The following MRM1 variants were observed in gnomAD, a reference collection of about 807,000 sequenced individuals.
MRM1 encodes rRNA methyltransferase 1, mitochondrial.
In MRM1, 24 loss-of-function variants were observed where a neutral mutation model predicts 25.0. The ratio of observed to expected loss-of-function variants is 0.96; its 90% confidence interval spans 0.69 to 1.35. MRM1 has a LOEUF of 1.35. Among genes scored for constraint, MRM1 ranks in the 40% most tolerant of loss-of-function variants. MRM1 has a pLI of 0.00. For synonymous variants in MRM1, 188 were observed against 199.2 expected, an observed-to-expected ratio of 0.94 and a Z score of 0.47; for missense variants, 431 against 464.1, an observed-to-expected ratio of 0.93 and a Z score of 0.65.
the MRM1 span, among the ~76,000 whole-genome samples, chr17:36,632,185 G>A: frequency 6.6e-6 from 1 of 152,048 alleles, no homozygotes; most frequent in Admixed American, 6.6e-5. Flanking sequence ...CTGGCTCCTG[G>A]TACCTGCTTA....
At chr17:36,631,368 A>C in the MRM1 span, among the ~76,000 whole-genome samples, 1 of 152,240 alleles carries the variant, frequency 6.6e-6, no homozygotes, top group African/African-American at 2.4e-5. Context: ...TTTGGGGTAC[A>C]CATGTGTGCA....
At chr17:36,627,747 TCA>T in the MRM1 span, among the ~76,000 whole-genome samples, 4 of 143,716 alleles carry the variant, frequency 2.8e-5, no homozygotes, top group Non-Finnish European at 6.0e-5. Flanking sequence ...CAATCTTGGC[TCA>T]CACAACCTGC....
rs759873947 is a variant in MRM1 at position 36,607,814 on chromosome 17, TCCCTGCGTTTGTG to T, written c.769+16_769+28del. 1 of 1,613,682 alleles carries T rather than the reference TCCCTGCGTTTGTG, an allele frequency of 6.2e-7. No individual in the cohort carries two copies. The highest frequency in any genetic ancestry group is 1.3e-5 in the African/African-American group (1 of 75,010). ...TCTCCTTGTGCTGGGTAGGTGGATG[TCCCTGCGTTTGTG>T]CCCAGATTACATTTCCCGAGCAACT... is the stretch of plus-strand genomic sequence containing the variant. On this transcript the variant is annotated intron_variant, in intron 3 of 4. Coordinates refer to ENST00000614766, the MANE Select transcript of MRM1 (RefSeq NM_024864.5).
chr17:36,602,529 G>C lies in MRM1; in HGVS notation c.543-24G>C. On this transcript the variant is annotated intron_variant, in intron 1 of 4. Coordinates refer to ENST00000614766, the MANE Select transcript of MRM1 (RefSeq NM_024864.5). The surrounding 1 kb of genome is among the most constrained non-coding windows in gnomAD (Gnocchi z 4.1). ...CGGGCTTGAGATGGCCCAGCCTAAT[G>C]CGGGGAACGGGGAAACCTTGCAGCT... 1.9e-6 allele frequency: 3 copies of C among 1,614,148 alleles called. No individual in the cohort carries two copies. The highest frequency in any genetic ancestry group is 2.5e-6 in the Non-Finnish European group (3 of 1,180,004).
At chr17:36,611,220 C>A (rs1259790067), downstream of MRM1, among the ~76,000 whole-genome samples, 1 of 152,206 alleles carries the variant, frequency 6.6e-6, no homozygotes, top group Non-Finnish European at 1.5e-5. Flanking sequence ...CCATGCACAC[C>A]TGTGCTTTTG....
chr17:36,605,033 G>A (rs1175300460), intron 2 of MRM1, among the ~76,000 whole-genome samples: 1 of 152,012 alleles, frequency 6.6e-6, no homozygotes, highest in East Asian at 1.9e-4. Context: ...CCAGCTGCTC[G>A]GGAGGCTGAG....
the MRM1 span, among the ~76,000 whole-genome samples, chr17:36,628,574 C>T: frequency 7.2e-5 from 11 of 152,140 alleles, no homozygotes; most frequent in African/African-American, 2.2e-4. Context: ...GCCAGTGCTC[C>T]GAGACCAAGA....
At chr17:36,630,712 G>A in the MRM1 span, among the ~76,000 whole-genome samples, 2 of 152,168 alleles carry the variant, frequency 1.3e-5, no homozygotes, top group African/African-American at 2.4e-5. Context: ...CTCGACTCCT[G>A]GGGGAGAGGT....
chr17:36,625,076 C>T, the MRM1 span, among the ~76,000 whole-genome samples: 2 of 152,310 alleles, frequency 1.3e-5, no homozygotes, highest in Non-Finnish European at 2.9e-5. Context: ...TTTGTAAAGT[C>T]TCCAGCGAGG....
At chr17:36,626,719 G>T in the MRM1 span, among the ~76,000 whole-genome samples, 1 of 152,194 alleles carries the variant, frequency 6.6e-6, no homozygotes, top group Non-Finnish European at 1.5e-5. Flanking sequence ...GTCTTTCAGA[G>T]ACTGGAAAGT....
At chr17:36,616,808 G>A in the MRM1 span, among the ~76,000 whole-genome samples, 6 of 152,146 alleles carry the variant, frequency 3.9e-5, no homozygotes, top group African/African-American at 1.2e-4. Context: ...ATAGCTCACT[G>A]CAGCCTCCAA....
At chr17:36,612,952 C>T (rs72818402), downstream of MRM1, among the ~76,000 whole-genome samples, 4,072 of 152,222 alleles carry the variant, frequency 0.027, 82 homozygotes, top group South Asian at 0.066. Flanking sequence ...CCCCTTTCAT[C>T]TGCAGTGCAC....
At chr17:36,607,184 G>A (rs2142840289) in intron 2 of MRM1, among the ~76,000 whole-genome samples, 1 of 152,030 alleles carries the variant, frequency 6.6e-6, no homozygotes, top group East Asian at 2.0e-4. Context: ...AAAGTGCTGG[G>A]GATTACAGGC....
At chr17:36,605,022 C>T (rs955787999) in intron 2 of MRM1, among the ~76,000 whole-genome samples, 7 of 152,030 alleles carry the variant, frequency 4.6e-5, no homozygotes, top group Non-Finnish European at 7.4e-5. Flanking sequence ...CACTTGTAAT[C>T]CCAGCTGCTC....
intron 4 of MRM1, 25 bp downstream of exon 4, chr17:36,608,043 C>T (rs778517595): frequency 2.5e-5 from 40 of 1,610,964 alleles, no homozygotes; most frequent in Non-Finnish European, 3.1e-5. Context: ...CTTTCCCTTT[C>T]CTCTATCCCT....
Position 36,605,639 on chromosome 17 carries a change from ATTG to A in MRM1, c.637-2019_637-2017del, listed in dbSNP as rs142811408. Among the ~76,000 whole-genome samples the A allele has an allele frequency of 5.5e-3, 827 of 150,756 alleles. 6 individuals are homozygous for A. The highest frequency in any genetic ancestry group is 0.019 in the African/African-American group (765 of 40,958). On this transcript the variant is annotated intron_variant, in intron 2 of 4. Transcript: ENST00000614766. ...AGTTGCCTACTGCACAGTTGTTGTT[ATTG>A]TTGTTGTTGTTTTGCTGTCAGGCGG...
chr17:36,629,675 G>A, the MRM1 span, among the ~76,000 whole-genome samples: 1 of 151,978 alleles, frequency 6.6e-6, no homozygotes, highest in Non-Finnish European at 1.5e-5. Context: ...GCTGAAAGCG[G>A]GGCAGTGGGA....
At position 36,607,792 on chromosome 17, in the gene MRM1, C is replaced by T; in HGVS notation, c.759C>T (p.Leu253=). Residue 253 remains leucine, a synonymous_variant, in exon 3 of 5, where the codon CTC becomes CTT. Transcript: ENST00000614766. ...AGTTCCTCTGGGAACGGCCTACTCT[C>T]CTTGTGCTGGGTAGGTGGATGTCCC... is the stretch of plus-strand genomic sequence containing the variant. ...CLEFLWERPT[L]LVLGNEGSGL... is the part of the protein sequence containing the mutation. 6.2e-7 allele frequency: 1 copy of T among 1,614,094 alleles called. No homozygotes were observed. The highest frequency in any genetic ancestry group is 8.5e-7 in the Non-Finnish European group (1 of 1,180,000).
At chr17:36,612,303 T>G (rs529668190), downstream of MRM1, among the ~76,000 whole-genome samples, 4 of 152,228 alleles carry the variant, frequency 2.6e-5, no homozygotes, top group East Asian at 7.7e-4. Flanking sequence ...GGAAGACAGG[T>G]TCACTTAAAC....
Sources: allele counts gnomAD v4.1 joint callset (sites outside exome capture counted in the v4.1 genomes callset), GRCh38; gene constraint gnomAD v4.1.1; non-coding constraint Gnocchi (gnomAD v3.1); transcripts MANE v1.5; gene names NCBI Gene and HGNC (gene_info 2026-07-23, HGNC 2026-07-21).